Variants in WDFY4 observed in about 807,000 individuals in gnomAD.
WDFY4 encodes WD repeat- and FYVE domain-containing protein 4.
Under a neutral mutation model 351.9 loss-of-function variants are expected in WDFY4, and 169 were observed. The ratio of observed to expected loss-of-function variants is 0.48; its 90% CI spans 0.42 to 0.55. The LOEUF is 0.55. Ranked by LOEUF, WDFY4 falls within the 20% of genes least tolerant of loss-of-function variation. The probability of loss-of-function intolerance (pLI) is 0.00; values close to 1 mark genes in which losing one functional copy is unlikely to be tolerated. For synonymous variants in WDFY4, 1,622 were observed against 1,574.6 expected, an observed-to-expected ratio of 1.03 and a Z score of -0.71; for missense variants, 3,803 against 3,935.6, an observed-to-expected ratio of 0.97 and a Z score of 0.90.
At chr10:48,854,273 TA>T (rs2069060119) in intron 39 of WDFY4, among the ~76,000 whole-genome samples, 1 of 152,090 alleles carries the variant, frequency 6.6e-6, no homozygotes, top group Non-Finnish European at 1.5e-5. Context: ...CATGCCCAGC[TA>T]ATTTTTGTAT....
At chr10:48,691,316 C>T (rs116506978) in intron 1 of WDFY4, among the ~76,000 whole-genome samples, 1,973 of 152,256 alleles carry the variant, frequency 0.013, 47 homozygotes, top group African/African-American at 0.045. Flanking sequence ...CCTCCCAAGG[C>T]GCAGGAGCCC....
Position 48,731,563 on chromosome 10 carries a change from G to T in WDFY4, c.1582+1G>T. On this transcript the variant is annotated splice_donor_variant, in intron 9 of 61. Transcript: ENST00000325239. LOFTEE classifies it high-confidence loss of function. Reference sequence around the variant, plus strand: ...CAAGCCAAGATCATGAGGAAGTCAGGTGCCACTGGGTGCATTGGGAGGGAT... The same window carrying T: ...CAAGCCAAGATCATGAGGAAGTCAGTTGCCACTGGGTGCATTGGGAGGGAT... The T allele has an allele frequency of 6.5e-7, 1 of 1,548,776 alleles. No individual in the cohort carries two copies. Among genetic ancestry groups the T allele is most frequent in the South Asian group, 1.2e-5 (1 of 83,874 alleles).
At chr10:48,955,809 A>G (rs1841561499) in intron 51 of WDFY4, among the ~76,000 whole-genome samples, 2 of 152,096 alleles carry the variant, frequency 1.3e-5, no homozygotes, top group African/African-American at 2.4e-5. Context: ...GCAGAGGGAG[A>G]CCCTCAGCCC....
chr10:48,958,917 C>A (rs751719767), intron 52 of WDFY4, among the ~76,000 whole-genome samples: 1 of 152,126 alleles, frequency 6.6e-6, no homozygotes, highest in Non-Finnish European at 1.5e-5. Context: ...AGCAGGGGAG[C>A]TTTTATTCCA....
chr10:48,731,076 T>C (rs1565138826), intron 8 of WDFY4, 34 bp from the exon 9 acceptor site: 1 of 1,483,070 alleles, frequency 6.7e-7, no homozygotes. Context: ...GCAGGAGAAA[T>C]GACTTGTAAG....
intron 17 of WDFY4, among the ~76,000 whole-genome samples, chr10:48,778,406 C>A (rs1360297002): frequency 2.6e-5 from 4 of 152,260 alleles, no homozygotes; most frequent in African/African-American, 9.6e-5. Flanking sequence ...ACCAGGAGCC[C>A]ACGTGTGACG....
intron 13 of WDFY4, among the ~76,000 whole-genome samples, chr10:48,765,741 G>A (rs190728778): frequency 5.4e-4 from 82 of 152,194 alleles, no homozygotes; most frequent in Middle Eastern, 6.8e-3. Flanking sequence ...GGAAGTGAGA[G>A]GTTACAGAAA....
chr10:48,921,834 A>T (rs990452722), intron 47 of WDFY4, among the ~76,000 whole-genome samples: 2 of 152,180 alleles, frequency 1.3e-5, no homozygotes, highest in South Asian at 4.1e-4. Context: ...TGGCAAGGAG[A>T]TGCTGCAACT....
At position 48,743,361 on chromosome 10, in the gene WDFY4, C is replaced by A; in HGVS notation, c.2272C>A (p.Pro758Thr). ...CTTTTCCTCCAGCGGCTCACTCCCA[C>A]CCCGGATACAGAGCTGCCTCCAGAT... ...TAFSSSGSLP[P>T]RIQSCLQILG... Residue 758 changes from proline (P) to threonine (T), a missense_variant, in exon 12 of 62, where the codon CCC becomes ACC. Around this residue, in one of 3 missense-constraint regions of WDFY4, gnomAD observed 3,054 missense variants for 3,148.6 expected, o/e 0.97. Coordinates refer to ENST00000325239, the MANE Select transcript of WDFY4 (RefSeq NM_001394531.1). 1 of 1,551,658 alleles carries A rather than the reference C, an allele frequency of 6.4e-7. No individual in the cohort carries two copies. Among genetic ancestry groups the A allele is most frequent in the Non-Finnish European group, 8.7e-7 (1 of 1,147,002 alleles).
At chr10:48,862,220 G>GT (rs1376294392) in intron 39 of WDFY4, among the ~76,000 whole-genome samples, 2 of 152,192 alleles carry the variant, frequency 1.3e-5, no homozygotes, top group Non-Finnish European at 2.9e-5. Context: ...GATTCTTGAT[G>GT]TGAGTCTATG....
chr10:48,713,668 A>C (rs1050108209), intron 2 of WDFY4, among the ~76,000 whole-genome samples: 4 of 152,226 alleles, frequency 2.6e-5, no homozygotes, highest in Admixed American at 2.6e-4. Context: ...ATTCTCATCC[A>C]GAACAGCAGG....
intron 61 of WDFY4, among the ~76,000 whole-genome samples, 162 bp from the exon 62 acceptor site, chr10:48,982,344 CCTT>C (rs1279765140): frequency 2.6e-5 from 4 of 152,130 alleles, no homozygotes; most frequent in African/African-American, 9.7e-5. Flanking sequence ...CAGGTGGAAA[CCTT>C]CTCCATTCCT....
chr10:48,918,100 G>A (rs2889697), intron 47 of WDFY4, among the ~76,000 whole-genome samples: 9,671 of 152,100 alleles, frequency 0.064, 501 homozygotes, highest in Admixed American at 0.17. Context: ...ATAGTAAATA[G>A]TAAAAAACTA....
Position 48,743,231 on chromosome 10 carries a change from C to A in WDFY4, c.2142C>A (p.Asp714Glu), listed in dbSNP as rs1447291805. Residue 714 changes from aspartate (D) to glutamate (E), a missense_variant, in exon 12 of 62, where the codon GAC becomes GAA. Transcript: ENST00000325239. ...GGCTCTTTGAGAAGCTGGCCGAGGA[C>A]CTCTGCCTGCTGGGCTGTTTTGGAG... ...RNGLFEKLAE[D>E]LCLLGCFGAL... 1.3e-6 allele frequency: 2 copies of A among 1,551,596 alleles called. No homozygotes were observed.
chr10:48,942,138 T>C (rs368626190), intron 48 of WDFY4, among the ~76,000 whole-genome samples: 6 of 152,224 alleles, frequency 3.9e-5, no homozygotes, highest in African/African-American at 1.4e-4. Context: ...CGAATTTTTG[T>C]ATTTTTAGTA....
intron 27 of WDFY4, 59 bp downstream of exon 27, chr10:48,806,154 G>A (rs2067248599): frequency 2.0e-6 from 3 of 1,503,974 alleles, no homozygotes; most frequent in Non-Finnish European, 2.7e-6. Flanking sequence ...ACCCCTGAGA[G>A]GCCCACATTG....
At chr10:48,712,360 C>T (rs2063790066) in intron 2 of WDFY4, among the ~76,000 whole-genome samples, 1 of 152,218 alleles carries the variant, frequency 6.6e-6, no homozygotes, top group African/African-American at 2.4e-5. Flanking sequence ...GTACTTACTG[C>T]ACATGGACTG....
chr10:48,818,202 G>A (rs78973790), intron 32 of WDFY4, among the ~76,000 whole-genome samples: 7,082 of 152,324 alleles, frequency 0.046, 241 homozygotes, highest in South Asian at 0.13. Flanking sequence ...TGAGCTAACC[G>A]TGTCTTCCTG....
chr10:48,863,227 A>G, intron 39 of WDFY4, among the ~76,000 whole-genome samples: 1 of 152,228 alleles, frequency 6.6e-6, no homozygotes, highest in Non-Finnish European at 1.5e-5. Flanking sequence ...GGAATTGCTG[A>G]GTCAATGACA....
Sources: allele counts gnomAD v4.1 joint callset (sites outside exome capture counted in the v4.1 genomes callset), GRCh38; gene constraint gnomAD v4.1.1; regional missense constraint gnomAD v4.1.1; transcripts MANE v1.5; gene names NCBI Gene and HGNC (gene_info 2026-07-23, HGNC 2026-07-21).